The following PARD3B variants were observed in gnomAD, a reference collection of about 807,000 sequenced individuals.
The protein encoded by PARD3B is partitioning defective 3 homolog B.
In PARD3B, 103 loss-of-function variants were observed where a neutral mutation model predicts 130.2. That is an observed-to-expected ratio of 0.79 (90% CI 0.67 to 0.93). PARD3B has a LOEUF of 0.93. Among genes scored for constraint, PARD3B ranks in the 40% least tolerant of loss-of-function variants. The probability of loss-of-function intolerance (pLI) is 0.00; values close to 1 mark genes in which losing one functional copy is unlikely to be tolerated. For synonymous variants in PARD3B, 583 were observed against 553.2 expected, an observed-to-expected ratio of 1.05 and a Z score of -0.76; for missense variants, 1,609 against 1,499.2, an observed-to-expected ratio of 1.07 and a Z score of -1.21.
intron 2 of PARD3B, among the ~76,000 whole-genome samples, chr2:204,694,081 C>A (rs1044519419): frequency 2.0e-5 from 3 of 151,896 alleles, no homozygotes. Context: ...TCGTTCACAT[C>A]GTATTATTGG....
chr2:204,813,330 TG>T (rs1559165597), intron 2 of PARD3B, among the ~76,000 whole-genome samples: 1 of 152,176 alleles, frequency 6.6e-6, no homozygotes, highest in Non-Finnish European at 1.5e-5. Flanking sequence ...ATATTTTCTT[TG>T]GTAAAGAGTT....
chr2:204,806,239 A>G (rs989032612), intron 2 of PARD3B, among the ~76,000 whole-genome samples: 1 of 152,218 alleles, frequency 6.6e-6, no homozygotes, highest in Non-Finnish European at 1.5e-5. Flanking sequence ...ACTTCAAATT[A>G]TTCTACAGAG....
At chr2:205,410,069 T>C (rs1285622961) in intron 19 of PARD3B, among the ~76,000 whole-genome samples, 2 of 152,202 alleles carry the variant, frequency 1.3e-5, no homozygotes, top group Admixed American at 6.5e-5. Context: ...ATATCCCTTA[T>C]CCAAAATGCT....
intron 2 of PARD3B, among the ~76,000 whole-genome samples, chr2:204,869,710 A>G (rs564793809): frequency 9.2e-5 from 14 of 151,854 alleles, no homozygotes; most frequent in African/African-American, 3.1e-4. Context: ...GGTAATGAAT[A>G]TTTTTCTTAT....
chr2:205,077,046 C>T (rs1451411227), intron 4 of PARD3B, among the ~76,000 whole-genome samples: 1 of 152,152 alleles, frequency 6.6e-6, no homozygotes, highest in Non-Finnish European at 1.5e-5. Flanking sequence ...TTAATAGCAA[C>T]AAAGTTGCCC....
chr2:205,156,163 C>T (rs1367349216), intron 10 of PARD3B, among the ~76,000 whole-genome samples: 2 of 138,392 alleles, frequency 1.4e-5, no homozygotes, highest in South Asian at 4.5e-4. Context: ...ATCGCAAGGA[C>T]AAAAAACCAA....
chr2:204,546,130 C>T lies in PARD3B; in HGVS notation c.120+11C>T. The T allele has an allele frequency of 9.0e-6, 14 of 1,552,256 alleles. No homozygotes were observed. Among genetic ancestry groups the T allele is most frequent in the Non-Finnish European group, 1.2e-5 (14 of 1,148,222 alleles). On this transcript the variant is annotated intron_variant, in intron 1 of 22. Transcript: ENST00000406610. ...AAGACCCGGGAGAAGGTGAGCGCGG[C>T]GCGGAGGAGTGGGGCGCGGCTGCAG...
intron 2 of PARD3B, among the ~76,000 whole-genome samples, chr2:204,739,938 C>T (rs554896704): frequency 8.3e-4 from 126 of 151,706 alleles, no homozygotes; most frequent in South Asian, 8.1e-3. Context: ...ATACAATGCC[C>T]CTTTTTTTTT....
intron 5 of PARD3B, among the ~76,000 whole-genome samples, chr2:205,108,413 C>A (rs1250781661): frequency 6.6e-6 from 1 of 152,162 alleles, no homozygotes; most frequent in Non-Finnish European, 1.5e-5. Context: ...TGATCTCAAG[C>A]TAATGGTTTA....
intron 19 of PARD3B, among the ~76,000 whole-genome samples, chr2:205,403,272 T>G (rs150190708): frequency 4.9e-4 from 75 of 152,342 alleles, no homozygotes; most frequent in African/African-American, 1.7e-3. Context: ...AAATATTTAA[T>G]GCACCTAAAT....
At chr2:205,110,411 A>T (rs1559447807) in intron 5 of PARD3B, among the ~76,000 whole-genome samples, 1 of 152,152 alleles carries the variant, frequency 6.6e-6, no homozygotes. Flanking sequence ...TCTAAATCTC[A>T]GATTGGTAGC....
intron 1 of PARD3B, among the ~76,000 whole-genome samples, chr2:204,655,163 T>A (rs1283188884): frequency 2.0e-5 from 3 of 152,188 alleles, no homozygotes; most frequent in African/African-American, 7.2e-5. Flanking sequence ...CTCCCCTTAG[T>A]TCTATAGCTA....
intron 2 of PARD3B, among the ~76,000 whole-genome samples, chr2:204,741,677 T>C (rs767987194): frequency 6.6e-6 from 1 of 152,170 alleles, no homozygotes; most frequent in East Asian, 1.9e-4. Flanking sequence ...AAAATACACC[T>C]CTTATACCTG....
intron 11 of PARD3B, among the ~76,000 whole-genome samples, chr2:205,161,449 T>G (rs1576013271): frequency 6.6e-6 from 1 of 152,302 alleles, no homozygotes; most frequent in African/African-American, 2.4e-5. Context: ...TCCATTTGTC[T>G]TGTTTACCTT....
Position 205,365,549 on chromosome 2 carries a change from CTT to C in PARD3B, c.2631-35449_2631-35448del, listed in dbSNP as rs3048121. Among the ~76,000 whole-genome samples the C allele has an allele frequency of 2.5e-4, 29 of 113,736 alleles. 2 individuals are homozygous for C. The highest frequency in any genetic ancestry group is 8.7e-4 in the African/African-American group (23 of 26,578). The allele number at this position is 113,736 out of a possible 152,430, so 74.6% of individuals were successfully genotyped here. On this transcript the variant is annotated intron_variant, in intron 18 of 22. Transcript: ENST00000406610. ...TCAGGGCCATATCCACCCAACCTTC[CTT>C]TTTTTTTTTTTTTTCTAATCTACAG...
At chr2:205,560,440 C>T (rs2053089040) in intron 22 of PARD3B, among the ~76,000 whole-genome samples, 1 of 148,240 alleles carries the variant, frequency 6.7e-6, no homozygotes, top group Non-Finnish European at 1.5e-5. Flanking sequence ...GCTAGATGAA[C>T]ATTAAGCAAT....
chr2:204,553,651 C>T (rs61074766), intron 1 of PARD3B, among the ~76,000 whole-genome samples: 10 of 83,422 alleles, frequency 1.2e-4, no homozygotes, highest in South Asian at 3.8e-4. Flanking sequence ...TATATATATC[C>T]ATATATATAT....
In PARD3B at chr2:205,383,083, CATAGATAGATAGATAGATAG is replaced by C. The variant is rs59376156; in HGVS notation, c.2631-17891_2631-17872del. On this transcript the variant is annotated intron_variant, in intron 18 of 22. Coordinates refer to ENST00000406610, the MANE Select transcript of PARD3B (RefSeq NM_001302769.2). ...CAGGAAACAGAACCTGGAAAGTTTA[CATAGATAGATAGATAGATAG>C]ATAGATAGATAGATAGATAGATAGA... Among the ~76,000 whole-genome samples the C allele has an allele frequency of 9.3e-4, 73 of 78,574 alleles. 1 individual carries two copies. The highest frequency in any genetic ancestry group is 1.5e-3 in the East Asian group (3 of 2,038). The allele number at this position is 78,574 out of a possible 152,430, so 51.5% of individuals were successfully genotyped here.
intron 22 of PARD3B, among the ~76,000 whole-genome samples, chr2:205,566,920 T>A (rs867453345): frequency 2.6e-5 from 4 of 152,166 alleles, no homozygotes; most frequent in African/African-American, 9.7e-5. Flanking sequence ...ATTCTGGAAA[T>A]AATATTTTTC....
Sources: gnomAD v4.1 joint callset for allele counts (sites outside exome capture counted in the v4.1 genomes callset) on GRCh38, gnomAD v4.1.1 for gene constraint, MANE v1.5 for transcripts, NCBI Gene and HGNC (gene_info 2026-07-23, HGNC 2026-07-21) for gene names.